COL26A1: variants seen among roughly 807,000 people sequenced by gnomAD.
The protein encoded by COL26A1 is collagen type XXVI alpha 1 chain, also known as collagen alpha-1(XXVI) chain.
A neutral mutation model predicts 59.3 loss-of-function variants in COL26A1; 41 were observed. That is an observed-to-expected ratio of 0.69 (90% CI 0.54 to 0.90). The LOEUF (loss-of-function observed/expected upper bound fraction) is 0.90. Among genes scored for constraint, COL26A1 ranks in the 40% least tolerant of loss-of-function variants. The pLI is 0.00. For synonymous variants in COL26A1, 266 were observed against 256.0 expected (o/e 1.04, Z -0.37); for missense variants, 612 against 602.3 (o/e 1.02, Z -0.17).
chr7:101,525,643 C>CCCA (rs1245667307), intron 3 of COL26A1, among the ~76,000 whole-genome samples: 8 of 150,490 alleles, frequency 5.3e-5, no homozygotes, highest in Non-Finnish European at 8.9e-5. Flanking sequence ...ACTACAGGTG[C>CCCA]CCACCATCAC....
chr7:101,461,306 TTC>T (rs1317638780), intron 3 of COL26A1, among the ~76,000 whole-genome samples: 8 of 87,892 alleles, frequency 9.1e-5, no homozygotes, highest in African/African-American at 6.3e-4. Context: ...CTCCTCCTCC[TTC>T]TTTTTTTTTG....
intron 6 of COL26A1, among the ~76,000 whole-genome samples, chr7:101,544,399 G>C (rs1390725375): frequency 2.6e-5 from 4 of 151,640 alleles, no homozygotes. Context: ...GGCTAATTTT[G>C]TATTTTCAAT....
At chr7:101,385,373 A>G (rs752315127) in intron 1 of COL26A1, among the ~76,000 whole-genome samples, 9,159 of 148,606 alleles carry the variant, frequency 0.062, 684 homozygotes, top group African/African-American at 0.16. Context: ...GTGTGTATAT[A>G]TATATATATA....
intron 1 of COL26A1, among the ~76,000 whole-genome samples, chr7:101,410,721 G>A (rs1210836475): frequency 2.6e-5 from 4 of 151,242 alleles, no homozygotes; most frequent in Non-Finnish European, 2.9e-5. Context: ...GTTTTGAGAC[G>A]GAGTCTTGCT....
chr7:101,427,772 G>A (rs1792682470), intron 2 of COL26A1, among the ~76,000 whole-genome samples: 2 of 152,164 alleles, frequency 1.3e-5, no homozygotes, highest in African/African-American at 4.8e-5. Context: ...AAAGTGCTGG[G>A]ATTACAGGTG....
At position 101,390,148 on chromosome 7, in the gene COL26A1, GTTTTTTTTTT is replaced by G. The variant is rs60091954; in HGVS notation, c.158+26976_158+26985del. Among the ~76,000 whole-genome samples, 9 of 72,370 alleles carry G rather than the reference GTTTTTTTTTT, an allele frequency of 1.2e-4. No individual in the cohort carries two copies. In the South Asian group the frequency reaches 3.9e-3, roughly 32 times the overall value. 47.5% of individuals were successfully genotyped at this position (72,370 alleles called of 152,430 possible). A position where few individuals can be genotyped will look rare whatever the true frequency, so the allele number is the denominator to read the frequency against. On this transcript the variant is annotated intron_variant, in intron 1 of 12. Coordinates refer to ENST00000313669, the MANE Select transcript of COL26A1 (RefSeq NM_001278563.3). ...AGACCTTTTAGGTCTCATGTTAAGGGTTTTTTTTTTTTTTTTTTTTTTTTTTTGAGACAAA... is the reference window on the plus strand; with the variant it reads ...AGACCTTTTAGGTCTCATGTTAAGGGTTTTTTTTTTTTTTTTTGAGACAAA...
chr7:101,425,826 A>ATTT (rs531266478), intron 2 of COL26A1, among the ~76,000 whole-genome samples: 1 of 131,444 alleles, frequency 7.6e-6, no homozygotes, highest in Non-Finnish European at 1.6e-5. Flanking sequence ...TCTTAGCATA[A>ATTT]TTTTTTTTTT....
Position 101,458,944 on chromosome 7 carries a change from G to A in COL26A1, c.385+11157G>A, listed in dbSNP as rs556556877. Among the ~76,000 whole-genome samples, 213 of 152,030 alleles carry A rather than the reference G, an allele frequency of 1.4e-3. 1 individual carries two copies. Among genetic ancestry groups the A allele is most frequent in the Non-Finnish European group, 2.6e-3 (175 of 67,966 alleles). ...AGCCTCTTGAGTAGCTGGGACTACA[G>A]ATGCGTGCCACCATGCCTGGCTAAT... is the stretch of plus-strand genomic sequence containing the variant. On this transcript the variant is annotated intron_variant, in intron 3 of 12. Coordinates refer to ENST00000313669, the MANE Select transcript of COL26A1 (RefSeq NM_001278563.3).
At chr7:101,485,945 GGT>G (rs1229317304) in intron 3 of COL26A1, among the ~76,000 whole-genome samples, 1 of 152,124 alleles carries the variant, frequency 6.6e-6, no homozygotes, top group East Asian at 1.9e-4. Context: ...GGCCGAGGCA[GGT>G]GGATCACTTG....
intron 3 of COL26A1, among the ~76,000 whole-genome samples, chr7:101,515,716 G>C (rs756944207): frequency 5.3e-5 from 8 of 150,718 alleles, no homozygotes; most frequent in Non-Finnish European, 1.0e-4. Flanking sequence ...AGCCTCCCAA[G>C]TAGCTGGGAT....
chr7:101,444,210 G>T (rs28571889), intron 2 of COL26A1, among the ~76,000 whole-genome samples: 37,681 of 151,564 alleles, frequency 0.25, 9,148 homozygotes, highest in African/African-American at 0.64. Flanking sequence ...GAAGTGTCTC[G>T]CTCTTCTCAG....
At chr7:101,437,852 C>T (rs1407463574) in intron 2 of COL26A1, among the ~76,000 whole-genome samples, 1 of 151,676 alleles carries the variant, frequency 6.6e-6, no homozygotes, top group Non-Finnish European at 1.5e-5. Flanking sequence ...GTGGGGACTA[C>T]AGGCATGCAC....
At chr7:101,551,237 G>GGGC in intron 10 of COL26A1, 94 bp downstream of exon 10, 11 of 386,342 alleles carry the variant, frequency 2.8e-5, no homozygotes, top group East Asian at 2.3e-4. Context: ...TGGTGGGGGG[G>GGGC]TTCAGCCCTG....
rs200375724 is a variant in COL26A1, at chr7:101,382,998, C to T, written c.158+19808C>T. Among the ~76,000 whole-genome samples the T allele has an allele frequency of 8.5e-5, 13 of 152,298 alleles. No homozygotes were observed. The East Asian group carries it at 2.3e-3, about 27-fold the overall frequency. Reference sequence around the variant, plus strand: ...CAGAGGTTGCAGTGAGCTGAGATCACATCACTGCACTCCAGCCTGGGTGAC... The same window carrying T: ...CAGAGGTTGCAGTGAGCTGAGATCATATCACTGCACTCCAGCCTGGGTGAC... On this transcript the variant is annotated intron_variant, in intron 1 of 12. Transcript: ENST00000313669.
chr7:101,363,614 CTGCGGGGCTGCGGGGT>C (rs1329901674), intron 1 of COL26A1, among the ~76,000 whole-genome samples: 3,453 of 143,042 alleles, frequency 0.024, 169 homozygotes, highest in African/African-American at 0.082. Context: ...GGCCGCGGGG[CTGCGGGGCTGCGGGGT>C]TGCGGGGGCT....
At chr7:101,519,204 T>G (rs964443976) in intron 3 of COL26A1, among the ~76,000 whole-genome samples, 1 of 152,228 alleles carries the variant, frequency 6.6e-6, no homozygotes, top group Non-Finnish European at 1.5e-5. Flanking sequence ...ATCTGGGCAC[T>G]AATGCTCATG....
chr7:101,488,302 A>C (rs2130512531), intron 3 of COL26A1, among the ~76,000 whole-genome samples: 1 of 149,120 alleles, frequency 6.7e-6, no homozygotes, highest in East Asian at 2.0e-4. Context: ...GTAATTAAAT[A>C]TACATAAAAT....
chr7:101,376,763 C>T (rs1791328282), intron 1 of COL26A1, among the ~76,000 whole-genome samples: 2 of 152,154 alleles, frequency 1.3e-5, no homozygotes, highest in South Asian at 4.1e-4. Context: ...AGAGGATCAT[C>T]CCCAGATGTG....
intron 1 of COL26A1, among the ~76,000 whole-genome samples, chr7:101,381,290 A>T (rs906705740): frequency 6.6e-6 from 1 of 151,852 alleles, no homozygotes; most frequent in South Asian, 2.1e-4. Context: ...CATTACTCCA[A>T]CCTTTCTTTC....
Sources: allele counts gnomAD v4.1 joint callset (sites outside exome capture counted in the v4.1 genomes callset), GRCh38; gene constraint gnomAD v4.1.1; transcripts MANE v1.5; gene names NCBI Gene and HGNC (gene_info 2026-07-23, HGNC 2026-07-21).